The following HYCC2 variants were observed in gnomAD, a reference collection of about 807,000 sequenced individuals.
HYCC2 encodes the protein hyccin PI4KA lipid kinase complex subunit 2, also known as hyccin 2.
At chr2:201,029,735 C>G in the HYCC2 span, among the ~76,000 whole-genome samples, 1 of 152,168 alleles carries the variant, frequency 6.6e-6, no homozygotes, top group South Asian at 2.1e-4. Flanking sequence ...ACAATGAGAA[C>G]ACTTGGACAC....
chr2:201,014,333 A>G, the HYCC2 span, among the ~76,000 whole-genome samples: 1 of 152,336 alleles, frequency 6.6e-6, no homozygotes, highest in African/African-American at 2.4e-5. Context: ...GATATATAAC[A>G]AATTTCCTAC....
the HYCC2 span, among the ~76,000 whole-genome samples, chr2:201,018,713 T>A: frequency 6.6e-6 from 1 of 152,180 alleles, no homozygotes; most frequent in Admixed American, 6.5e-5. Flanking sequence ...GAGGTACACA[T>A]CCAGCTATTC....
At chr2:201,027,033 T>C in the HYCC2 span, among the ~76,000 whole-genome samples, 2 of 152,236 alleles carry the variant, frequency 1.3e-5, no homozygotes, top group South Asian at 2.1e-4. Context: ...GAGCTGGTTT[T>C]TTGAAAGGAT....
chr2:201,022,341 T>C, the HYCC2 span: 1 of 296,080 alleles, frequency 3.4e-6, no homozygotes. Flanking sequence ...CTTGACTACT[T>C]AGACTAAAAA....
chr2:201,044,063 A>C, the HYCC2 span, among the ~76,000 whole-genome samples: 1 of 152,160 alleles, frequency 6.6e-6, no homozygotes, highest in Admixed American at 6.6e-5. Flanking sequence ...AAAATTCTGA[A>C]GATCATTTCT....
the HYCC2 span, among the ~76,000 whole-genome samples, chr2:201,050,755 T>C: frequency 2.0e-5 from 3 of 150,150 alleles, no homozygotes; most frequent in East Asian, 3.9e-4. Flanking sequence ...CCAAACATGG[T>C]GAAACCCCGT....
chr2:201,007,704 TG>T, the HYCC2 span, among the ~76,000 whole-genome samples: 1 of 152,188 alleles, frequency 6.6e-6, no homozygotes, highest in South Asian at 2.1e-4. Context: ...AGGTAGGAGT[TG>T]GCCATGCCAG....
the HYCC2 span, chr2:200,980,998 C>A: frequency 8.4e-6 from 4 of 474,944 alleles, no homozygotes; most frequent in South Asian, 8.9e-5. Context: ...GATTGCACAT[C>A]ACCCAAGGAG....
At chr2:201,030,827 C>T in the HYCC2 span, among the ~76,000 whole-genome samples, 28 of 152,254 alleles carry the variant, frequency 1.8e-4, no homozygotes, top group Admixed American at 1.1e-3. Context: ...GATCTGCCCA[C>T]GTTGGCCTCC....
chr2:200,990,696 C>T, the HYCC2 span, among the ~76,000 whole-genome samples: 4 of 152,210 alleles, frequency 2.6e-5, no homozygotes, highest in African/African-American at 9.7e-5. Flanking sequence ...CTCAGCCTCC[C>T]AAGTAGCTGG....
chr2:200,989,284 A>G, the HYCC2 span, among the ~76,000 whole-genome samples: 21 of 152,144 alleles, frequency 1.4e-4, no homozygotes, highest in Non-Finnish European at 2.6e-4. Flanking sequence ...TGCCACCTCT[A>G]CTTAATTTAC....
At chr2:201,029,200 GAA>G in the HYCC2 span, among the ~76,000 whole-genome samples, 1 of 152,134 alleles carries the variant, frequency 6.6e-6, no homozygotes, top group Admixed American at 6.5e-5. Context: ...ACAGACACAT[GAA>G]AAAATGCTCA....
At chr2:201,055,465 G>A in the HYCC2 span, among the ~76,000 whole-genome samples, 7 of 151,340 alleles carry the variant, frequency 4.6e-5, no homozygotes, top group Non-Finnish European at 7.4e-5. Context: ...TTGGGAGGCC[G>A]AGGAAGCCAA....
At chr2:201,055,983 T>G in the HYCC2 span, among the ~76,000 whole-genome samples, 1 of 152,012 alleles carries the variant, frequency 6.6e-6, no homozygotes, top group Non-Finnish European at 1.5e-5. Context: ...GGTCAGGAGA[T>G]CGAGACCATC....
chr2:201,071,192 C>T, the HYCC2 span, among the ~76,000 whole-genome samples: 2 of 152,208 alleles, frequency 1.3e-5, no homozygotes, highest in African/African-American at 2.4e-5. Context: ...CCCCTCACCA[C>T]CCCCAGGAAA....
chr2:201,048,395 G>C, the HYCC2 span, among the ~76,000 whole-genome samples: 2 of 151,712 alleles, frequency 1.3e-5, no homozygotes, highest in Non-Finnish European at 2.9e-5. Flanking sequence ...ACAGTATATA[G>C]ACCAAGCTTG....
the HYCC2 span, chr2:200,981,999 T>A: frequency 6.7e-6 from 6 of 895,412 alleles, no homozygotes; most frequent in African/African-American, 3.4e-5. The surrounding 1 kb of genome is among the most constrained non-coding windows in gnomAD (Gnocchi z 4.5). Context: ...CTATCAACAC[T>A]TCCCCTAAAT....
chr2:201,051,516 T>A, the HYCC2 span, among the ~76,000 whole-genome samples: 1 of 152,008 alleles, frequency 6.6e-6, no homozygotes, highest in African/African-American at 2.4e-5. Flanking sequence ...GAATATAAGG[T>A]TAATATACAA....
At chr2:200,985,369 AC>A in the HYCC2 span, among the ~76,000 whole-genome samples, 2 of 151,998 alleles carry the variant, frequency 1.3e-5, no homozygotes, top group African/African-American at 2.4e-5. Context: ...CTGATTTAAA[AC>A]TACAAATAGG....
Sources: gnomAD v4.1 joint callset for allele counts (sites outside exome capture counted in the v4.1 genomes callset) on GRCh38, gnomAD v4.1.1 for gene constraint, Gnocchi (gnomAD v3.1) non-coding constraint, MANE v1.5 for transcripts, NCBI Gene and HGNC (gene_info 2026-07-23, HGNC 2026-07-21) for gene names.